GPC5: variants seen among roughly 807,000 people sequenced by gnomAD.
GPC5 encodes glypican-5.
GPC5 carries 47 observed loss-of-function variants against 53.9 expected under a neutral mutation model. The ratio of observed to expected loss-of-function variants is 0.87; its 90% CI spans 0.69 to 1.11. The LOEUF (loss-of-function observed/expected upper bound fraction) is 1.11, where lower values mean the gene tolerates loss of function less well. Ranked by LOEUF, GPC5 falls within the 50% of genes most tolerant of loss-of-function variation. The probability of loss-of-function intolerance (pLI) is 0.00; values close to 1 mark genes in which losing one functional copy is unlikely to be tolerated. For missense variants in GPC5, 748 were observed against 713.1 expected (o/e 1.05, Z -0.56); for synonymous variants, 286 against 263.3 (o/e 1.09, Z -0.84).
chr13:92,056,211 G>A (rs1400949303), intron 6 of GPC5, among the ~76,000 whole-genome samples: 1 of 152,080 alleles, frequency 6.6e-6, no homozygotes, highest in East Asian at 1.9e-4. Context: ...TCAGCTGCTA[G>A]CAACTGCCTG....
At chr13:92,210,421 T>C (rs1251747615) in intron 7 of GPC5, among the ~76,000 whole-genome samples, 1 of 152,182 alleles carries the variant, frequency 6.6e-6, no homozygotes, top group Non-Finnish European at 1.5e-5. Context: ...TCAGTTCTCA[T>C]GTTTTTTCTT....
At chr13:92,559,189 G>A (rs988134725) in intron 7 of GPC5, among the ~76,000 whole-genome samples, 5 of 151,898 alleles carry the variant, frequency 3.3e-5, no homozygotes, top group African/African-American at 9.7e-5. Context: ...TCTTTAAGGA[G>A]GTGGAGATTC....
At chr13:92,296,846 G>T (rs1366975712) in intron 7 of GPC5, among the ~76,000 whole-genome samples, 1 of 152,236 alleles carries the variant, frequency 6.6e-6, no homozygotes, top group Non-Finnish European at 1.5e-5. Context: ...TCCCCCAGCA[G>T]TGCCGGCCCA....
At chr13:92,364,453 A>G (rs900869457) in intron 7 of GPC5, among the ~76,000 whole-genome samples, 8 of 151,824 alleles carry the variant, frequency 5.3e-5, no homozygotes, top group Non-Finnish European at 8.8e-5. Context: ...ATTTTTGGCC[A>G]GGCGCGGTGG....
At chr13:92,463,617 A>G (rs1594224097) in intron 7 of GPC5, among the ~76,000 whole-genome samples, 1 of 147,486 alleles carries the variant, frequency 6.8e-6, no homozygotes, top group African/African-American at 2.5e-5. Context: ...ATTTTTTTTT[A>G]ACTCTAGAGG....
rs546295043 is a variant in GPC5 at position 91,592,381 on chromosome 13, C to T, written c.326-100806C>T. On this transcript the variant is annotated intron_variant, in intron 2 of 7. Transcript: ENST00000377067. Reference sequence around the variant, plus strand: ...CTCCTCACCAGGTCTGCTCCCGAGCCTTGTCAGAGCCCCCTGCAACCACTG... The same window carrying T: ...CTCCTCACCAGGTCTGCTCCCGAGCTTTGTCAGAGCCCCCTGCAACCACTG... 1.6e-4 allele frequency among the ~76,000 whole-genome samples: 25 copies of T among 152,244 alleles called. 1 individual carries two copies. The South Asian group carries it at 4.8e-3, about 29-fold the overall frequency.
At chr13:92,527,288 C>A (rs1374672222) in intron 7 of GPC5, among the ~76,000 whole-genome samples, 28 of 146,692 alleles carry the variant, frequency 1.9e-4, no homozygotes, top group South Asian at 4.4e-4. Flanking sequence ...AGAAAAAGAT[C>A]AACAGGCAAA....
chr13:92,341,763 A>G (rs1390020033), intron 7 of GPC5, among the ~76,000 whole-genome samples: 1 of 152,032 alleles, frequency 6.6e-6, no homozygotes, highest in Admixed American at 6.6e-5. Flanking sequence ...AGTGAAACTT[A>G]TTAAAATGGT....
At chr13:91,994,948 C>A (rs2040490156) in intron 6 of GPC5, 1 of 147,214 alleles carries the variant, frequency 6.8e-6, no homozygotes, top group Admixed American at 6.7e-5. Context: ...ATGTTTTTAC[C>A]TGCAAACTTA....
In GPC5 at chr13:92,379,668, A is replaced by C. The variant is rs997619094; in HGVS notation, c.1561+234679A>C. ...CATAGTTCTTCCCTGTGCCCCCTGCATATTAGTTCCTCTCTGTGCCCCCTG... is the reference window on the plus strand; with the variant it reads ...CATAGTTCTTCCCTGTGCCCCCTGCCTATTAGTTCCTCTCTGTGCCCCCTG... On this transcript the variant is annotated intron_variant, in intron 7 of 7. Coordinates refer to ENST00000377067, the MANE Select transcript of GPC5 (RefSeq NM_004466.6). Among the ~76,000 whole-genome samples, 55 of 148,262 alleles carry C rather than the reference A, an allele frequency of 3.7e-4. 2 individuals are homozygous for C.
chr13:92,760,591 T>G (rs1875125415), intron 7 of GPC5, among the ~76,000 whole-genome samples: 1 of 152,054 alleles, frequency 6.6e-6, no homozygotes, highest in Non-Finnish European at 1.5e-5. Context: ...TTTTCAATTT[T>G]TTTTTTCAAA....
Position 91,448,836 on chromosome 13 carries a change from C to A in GPC5, c.239C>A (p.Ala80Glu), listed in dbSNP as rs559277707. The A allele has an allele frequency of 6.2e-7, 1 of 1,613,642 alleles. No individual in the cohort carries two copies. Among genetic ancestry groups the A allele is most frequent in the African/African-American group, 1.3e-5 (1 of 74,992 alleles). Residue 80 changes from alanine to glutamate, a missense_variant, in exon 2 of 8, where the codon GCG becomes GAG. By Grantham distance (107) the Ala-to-Glu change is moderately radical. Transcript: ENST00000377067. Reference sequence around the variant, plus strand: ...AAGATGGAGGAGAGATATCAGATTGCGGCTCGCCAGGATATGCAGCAGTTT... The same window carrying A: ...AAGATGGAGGAGAGATATCAGATTGAGGCTCGCCAGGATATGCAGCAGTTT... ...TRKMEERYQIAARQDMQQFLQ... is the reference protein window; with the variant it reads ...TRKMEERYQIEARQDMQQFLQ...
At chr13:91,570,063 A>G (rs1413234397) in intron 2 of GPC5, among the ~76,000 whole-genome samples, 3 of 152,214 alleles carry the variant, frequency 2.0e-5, no homozygotes, top group African/African-American at 7.2e-5. Context: ...AAATGATTAA[A>G]CAGAAAATGC....
At chr13:92,156,791 G>C (rs73620858) in intron 7 of GPC5, among the ~76,000 whole-genome samples, 1,827 of 151,890 alleles carry the variant, frequency 0.012, 52 homozygotes, top group African/African-American at 0.041. Flanking sequence ...ACACCTTGAT[G>C]CTCTTCCTTT....
At chr13:92,585,019 G>T (rs1441799541) in intron 7 of GPC5, among the ~76,000 whole-genome samples, 8 of 152,074 alleles carry the variant, frequency 5.3e-5, no homozygotes, top group Non-Finnish European at 4.4e-5. Context: ...GGTGGAGGGG[G>T]TAAGGGGGGG....
At chr13:92,271,254 A>T (rs1370707195) in intron 7 of GPC5, among the ~76,000 whole-genome samples, 1 of 152,150 alleles carries the variant, frequency 6.6e-6, no homozygotes, top group East Asian at 1.9e-4. Flanking sequence ...TTTTGGGGAG[A>T]CATGGAACAT....
intron 2 of GPC5, among the ~76,000 whole-genome samples, chr13:91,630,619 G>T (rs1312030547): frequency 6.6e-6 from 1 of 152,158 alleles, no homozygotes; most frequent in African/African-American, 2.4e-5. Context: ...TCTCTGCACA[G>T]TATCAGATCT....
intron 7 of GPC5, among the ~76,000 whole-genome samples, chr13:92,345,584 G>A (rs140356522): frequency 9.2e-5 from 14 of 152,202 alleles, no homozygotes; most frequent in Non-Finnish European, 1.8e-4. Flanking sequence ...AGACACCCAC[G>A]TCATTTGTGG....
intron 2 of GPC5, among the ~76,000 whole-genome samples, chr13:91,654,854 T>C (rs2034808685): frequency 6.6e-6 from 1 of 152,180 alleles, no homozygotes; most frequent in South Asian, 2.1e-4. Flanking sequence ...TCAGATAAAC[T>C]CATACAGAGA....
Sources: gnomAD v4.1 joint callset for allele counts (sites outside exome capture counted in the v4.1 genomes callset) on GRCh38, gnomAD v4.1.1 for gene constraint, MANE v1.5 for transcripts, NCBI Gene and HGNC (gene_info 2026-07-23, HGNC 2026-07-21) for gene names.